CUL3: variants seen among roughly 807,000 people sequenced by gnomAD.
The protein encoded by CUL3 is cullin 3.
A neutral mutation model predicts 89.1 loss-of-function variants in CUL3; 19 were observed. That is an observed-to-expected ratio of 0.21 (90% confidence interval 0.15 to 0.31). The LOEUF (loss-of-function observed/expected upper bound fraction) is 0.31. Among genes scored for constraint, CUL3 ranks in the 10% least tolerant of loss-of-function variants. The pLI is 1.00. For synonymous variants in CUL3, 351 were observed against 308.4 expected, an observed-to-expected ratio of 1.14 and a Z score of -1.45; for missense variants, 469 against 942.3, an observed-to-expected ratio of 0.50 and a Z score of 6.58.
intron 2 of CUL3, among the ~76,000 whole-genome samples, chr2:224,538,756 C>T (rs1052004086): frequency 2.0e-5 from 3 of 152,136 alleles, no homozygotes; most frequent in African/African-American, 7.2e-5. Flanking sequence ...AGATGAAGTG[C>T]AAGTAATGGA....
rs573430582 is a variant in CUL3 at position 224,547,449 on chromosome 2, A to C, written c.264+10210T>G. ...GTATTTTGGCTTTGCTCACATGATG[A>C]ATCTTGAGTAATGCTTTAAGTATAA... On this transcript the variant is annotated intron_variant, in intron 2 of 15. Transcript: ENST00000264414. 3.3e-5 allele frequency among the ~76,000 whole-genome samples: 5 copies of C among 152,210 alleles called. No homozygotes were observed. In the South Asian group the frequency reaches 6.2e-4, roughly 19 times the overall value.
rs2106179612 is a variant in CUL3, at chr2:224,495,854, T to C, written c.1820A>G (p.Asn607Ser). Reference sequence around the variant, plus strand: ...TACCTCAAATGTGTATTTTTCTCTATTATTAAAGAGCATTAATATGGTCAT... The same window carrying C: ...TACCTCAAATGTGTATTTTTCTCTACTATTAAAGAGCATTAATATGGTCAT... Reference protein sequence around the residue: ...FQMTILMLFNNREKYTFEEIQ... With the variant: ...FQMTILMLFNSREKYTFEEIQ... The change falls in exon 13 of 16, where the codon AAT (asparagine) becomes AGT (serine). Residue 607 changes from asparagine (N) to serine (S), a missense_variant. Asn to Ser is a conservative substitution (Grantham distance 46). Around this residue, in one of 4 missense-constraint regions of CUL3, gnomAD observed 370 missense variants for 733.2 expected, o/e 0.50. Transcript: ENST00000264414. The C allele has an allele frequency of 6.2e-7, 1 of 1,610,592 alleles. No homozygotes were observed. The highest frequency in any genetic ancestry group is 8.5e-7 in the Non-Finnish European group (1 of 1,177,144).
At chr2:224,522,627 A>C (rs1693308888) in intron 3 of CUL3, among the ~76,000 whole-genome samples, 1 of 152,160 alleles carries the variant, frequency 6.6e-6, no homozygotes, top group Admixed American at 6.5e-5. Context: ...GGAGATCGAG[A>C]CCATCCTGGC....
intron 6 of CUL3, 26 bp from the exon 7 acceptor site, chr2:224,507,029 CTACAT>C: frequency 6.2e-7 from 1 of 1,600,602 alleles, no homozygotes; most frequent in Non-Finnish European, 8.5e-7. Context: ...CACAAATTGG[CTACAT>C]TAAAGATTAA....
chr2:224,502,118 G>T (rs756147912), intron 10 of CUL3, among the ~76,000 whole-genome samples: 1 of 152,058 alleles, frequency 6.6e-6, no homozygotes, highest in Non-Finnish European at 1.5e-5. Context: ...TGTTTTCATA[G>T]AAATGAATGG....
intron 10 of CUL3, among the ~76,000 whole-genome samples, chr2:224,501,695 G>A (rs1202402222): frequency 6.6e-6 from 1 of 152,166 alleles, no homozygotes; most frequent in Admixed American, 6.5e-5. Context: ...GAGGATCATA[G>A]AGGAGACTCT....
chr2:224,478,064 T>C (rs748646044), intron 15 of CUL3, 136 bp downstream of exon 15: 1 of 781,720 alleles, frequency 1.3e-6, no homozygotes, highest in Non-Finnish European at 1.9e-6. Context: ...ACCAAGTGAG[T>C]GCCATACATT....
At chr2:224,520,096 A>G (rs1057350656) in intron 3 of CUL3, among the ~76,000 whole-genome samples, 1 of 152,228 alleles carries the variant, frequency 6.6e-6, no homozygotes, top group Non-Finnish European at 1.5e-5. Context: ...TTGCCTTTTT[A>G]AAGCCAAAAA....
chr2:224,520,085 C>T (rs960350674), intron 3 of CUL3, among the ~76,000 whole-genome samples: 1 of 152,166 alleles, frequency 6.6e-6, no homozygotes, highest in African/African-American at 2.4e-5. Context: ...GCTTTTTCTA[C>T]TTGCCTTTTT....
At chr2:224,511,225 G>A in intron 6 of CUL3, 129 bp downstream of exon 6, 1 of 610,386 alleles carries the variant, frequency 1.6e-6, no homozygotes, top group South Asian at 2.4e-5. Context: ...GTTAACAATG[G>A]AGACAAATTA....
chr2:224,474,472 C>T, intron 15 of CUL3, 96 bp from the exon 16 acceptor site: 2 of 956,922 alleles, frequency 2.1e-6, no homozygotes, highest in Non-Finnish European at 3.0e-6. Flanking sequence ...AGAGACTGAA[C>T]TTTACTAACT....
At chr2:224,560,866 G>A (rs1383901710) in intron 1 of CUL3, among the ~76,000 whole-genome samples, 1 of 152,200 alleles carries the variant, frequency 6.6e-6, no homozygotes, top group African/African-American at 2.4e-5. Context: ...TATTCGATCT[G>A]ATAATCTCTC....
At chr2:224,529,144 A>T (rs893113222) in intron 3 of CUL3, among the ~76,000 whole-genome samples, 4 of 152,174 alleles carry the variant, frequency 2.6e-5, no homozygotes, top group African/African-American at 7.2e-5. Context: ...CCAAATATTA[A>T]TAAATACTTA....
intron 2 of CUL3, among the ~76,000 whole-genome samples, chr2:224,550,572 TC>T (rs1295207312): frequency 6.6e-6 from 1 of 152,096 alleles, no homozygotes; most frequent in Non-Finnish European, 1.5e-5. Context: ...AAAATGGAGC[TC>T]CTTTGTCTGC....
chr2:224,493,889 C>T (rs1402088113), intron 13 of CUL3, among the ~76,000 whole-genome samples: 5 of 152,250 alleles, frequency 3.3e-5, no homozygotes, highest in East Asian at 3.9e-4. Context: ...AGGTACTCAA[C>T]GCTTGCTTAA....
intron 1 of CUL3, among the ~76,000 whole-genome samples, chr2:224,569,006 C>T (rs533566633): frequency 6.6e-6 from 1 of 152,146 alleles, no homozygotes; most frequent in East Asian, 1.9e-4. Context: ...TCAACTCTCA[C>T]CTCATCAATA....
chr2:224,522,320 A>G (rs951361597), intron 3 of CUL3, among the ~76,000 whole-genome samples: 6 of 152,056 alleles, frequency 3.9e-5, no homozygotes, highest in Non-Finnish European at 7.4e-5. Flanking sequence ...ATAGTGGGGG[A>G]AAAAAAGTCT....
intron 6 of CUL3, among the ~76,000 whole-genome samples, chr2:224,510,282 C>T (rs1692769776): frequency 6.9e-6 from 1 of 144,952 alleles, no homozygotes. Flanking sequence ...AAAAAGGAAG[C>T]CTCTCTAGTT....
chr2:224,491,882 C>T (rs1574623595), intron 13 of CUL3, among the ~76,000 whole-genome samples: 1 of 152,146 alleles, frequency 6.6e-6, no homozygotes, highest in East Asian at 1.9e-4. Context: ...ACAATTATTA[C>T]AATATCTTAA....
Sources: gnomAD v4.1 joint callset for allele counts (sites outside exome capture counted in the v4.1 genomes callset) on GRCh38, gnomAD v4.1.1 for gene constraint, gnomAD v4.1.1 regional missense constraint, MANE v1.5 for transcripts, NCBI Gene and HGNC (gene_info 2026-07-23, HGNC 2026-07-21) for gene names.